Variants in SLC9A7 observed in about 807,000 individuals in gnomAD.
SLC9A7 encodes sodium/hydrogen exchanger 7.
Under a neutral mutation model 52.6 loss-of-function variants are expected in SLC9A7, and 19 were observed. The ratio of observed to expected loss-of-function variants is 0.36; its 90% CI spans 0.25 to 0.53. The LOEUF is 0.53. Ranked by LOEUF, SLC9A7 falls within the 20% of genes least tolerant of loss-of-function variation. SLC9A7 has a pLI of 0.91. For missense variants in SLC9A7, 455 were observed against 597.9 expected (o/e 0.76, Z 2.49); for synonymous variants, 226 against 252.1 (o/e 0.90, Z 0.98).
At chrX:46,616,589 G>T (rs940435407) in intron 15 of SLC9A7, among the ~76,000 whole-genome samples, 8 of 111,278 alleles carry the variant, frequency 7.2e-5, no homozygotes, top group African/African-American at 2.0e-4. Context: ...TGTCCCCTTT[G>T]CTGGATTTTG....
intron 1 of SLC9A7, among the ~76,000 whole-genome samples, chrX:46,730,081 T>C (rs1945003680): frequency 9.0e-6 from 1 of 111,403 alleles, no homozygotes; most frequent in South Asian, 3.8e-4. Context: ...AATGTCAAAA[T>C]ACACTCTGGG....
rs140003012 is a variant in SLC9A7 at position 46,655,323 on chromosome X, T to C, written c.1042-1609A>G. ...TCAAAGGCTTGGAACAAAGATTGAA[T>C]GTATAAAATCTCATTAATTATTTTT... is the stretch of plus-strand genomic sequence containing the variant. On this transcript the variant is annotated intron_variant, in intron 7 of 16. Transcript: ENST00000616978. Among the ~76,000 whole-genome samples the C allele has an allele frequency of 2.0e-3, 220 of 111,937 alleles. 3 individuals are homozygous for C. In the South Asian group the frequency reaches 0.042, roughly 21 times the overall value.
In SLC9A7 at chrX:46,669,694, G is replaced by C. The variant is rs757195273; in HGVS notation, c.706C>G (p.Leu236Val). ...IGNLMYGVVK[L>V]MKIMGQLSDK... ...GAGAGCTGTCCCATAATCTTCATGA[G>C]CTTCACCACACCATACATGAGATTT... Residue 236 changes from leucine to valine, a missense_variant, in exon 5 of 17, where the codon CTC (leucine) becomes GTC (valine). Coordinates refer to ENST00000616978, the MANE Select transcript of SLC9A7 (RefSeq NM_001257291.2). The C allele has an allele frequency of 2.6e-6, 3 of 1,159,102 alleles. No homozygotes were observed. In the African/African-American group the frequency reaches 5.4e-5, roughly 21 times the overall value.
At chrX:46,619,710 G>A (rs1210732695) in intron 15 of SLC9A7, among the ~76,000 whole-genome samples, 2 of 101,218 alleles carry the variant, frequency 2.0e-5, no homozygotes, top group Non-Finnish European at 3.9e-5. Context: ...GTCATGGCAT[G>A]AGGGGTTTGG....
intron 3 of SLC9A7, among the ~76,000 whole-genome samples, chrX:46,678,312 G>A (rs1944151547): frequency 9.0e-6 from 1 of 111,203 alleles, no homozygotes; most frequent in South Asian, 3.7e-4. Flanking sequence ...TTCCACAGCT[G>A]TTACCTGCCT....
intron 1 of SLC9A7, among the ~76,000 whole-genome samples, chrX:46,714,691 A>G (rs1944743678): frequency 8.9e-6 from 1 of 112,377 alleles, no homozygotes; most frequent in Non-Finnish European, 1.9e-5. Context: ...GAACGAAACA[A>G]ATACAAATTC....
intron 1 of SLC9A7, among the ~76,000 whole-genome samples, chrX:46,737,225 T>A (rs758710453): frequency 8.9e-6 from 1 of 111,864 alleles, no homozygotes; most frequent in Non-Finnish European, 1.9e-5. Context: ...CAGGAAAAAC[T>A]TTCTCAGGAT....
rs1942649609 is a variant in SLC9A7, at chrX:46,600,765, GT to G, written c.*6186del. On this transcript the variant is annotated 3_prime_UTR_variant, in exon 17 of 17. Transcript: ENST00000616978. Reference sequence around the variant, plus strand: ...TTTCCTAGTTAAGACACTAGCAATGGTTTCTACAGTATTTCTCTATATGTTG... The same window carrying G: ...TTTCCTAGTTAAGACACTAGCAATGGTTCTACAGTATTTCTCTATATGTTG... 1 of 111,920 alleles carries G rather than the reference GT, an allele frequency of 8.9e-6. No homozygotes were observed. The highest frequency in any genetic ancestry group is 3.7e-4 in the South Asian group (1 of 2,724). 9.2% of individuals were successfully genotyped at this position (111,920 alleles called of 1,213,427 possible).
chrX:46,668,777 G>A (rs1943965576), intron 5 of SLC9A7, among the ~76,000 whole-genome samples: 1 of 111,572 alleles, frequency 9.0e-6, no homozygotes, highest in Non-Finnish European at 1.9e-5. Flanking sequence ...GTTGTTTAAT[G>A]GGTATAGCAT....
chrX:46,619,735 T>A (rs1246257977), intron 15 of SLC9A7, among the ~76,000 whole-genome samples: 6 of 55,496 alleles, frequency 1.1e-4, no homozygotes, highest in Non-Finnish European at 1.7e-4. Flanking sequence ...TTTCTTTCTT[T>A]CTTTTTTTTT....
At chrX:46,609,470 G>A (rs1942808389) in intron 16 of SLC9A7, among the ~76,000 whole-genome samples, 1 of 112,464 alleles carries the variant, frequency 8.9e-6, no homozygotes, top group Non-Finnish European at 1.9e-5. Flanking sequence ...GGAGGCCAAG[G>A]AGGGTGGATC....
At chrX:46,729,712 G>T (rs1297277524) in intron 1 of SLC9A7, among the ~76,000 whole-genome samples, 1 of 111,006 alleles carries the variant, frequency 9.0e-6, no homozygotes, top group Non-Finnish European at 1.9e-5. Context: ...GGCAGAGGTT[G>T]CAGTGAGCCA....
intron 5 of SLC9A7, among the ~76,000 whole-genome samples, chrX:46,664,949 G>T (rs983716415): frequency 4.5e-5 from 5 of 110,223 alleles, no homozygotes; most frequent in African/African-American, 1.7e-4. Context: ...CAATAAACAC[G>T]TACATAGCAC....
intron 16 of SLC9A7, among the ~76,000 whole-genome samples, chrX:46,608,158 C>T (rs752976561): frequency 8.9e-6 from 1 of 112,655 alleles, no homozygotes; most frequent in South Asian, 3.7e-4. Flanking sequence ...TCCCCGAGAT[C>T]AGCCCCATCT....
chrX:46,756,135 GT>G (rs1922651900), intron 1 of SLC9A7, among the ~76,000 whole-genome samples: 1 of 111,137 alleles, frequency 9.0e-6, no homozygotes, highest in South Asian at 3.7e-4. Flanking sequence ...GAAATTCACA[GT>G]TGAACTCTTT....
At chrX:46,661,311 A>G (rs1943817163) in intron 7 of SLC9A7, among the ~76,000 whole-genome samples, 1 of 110,577 alleles carries the variant, frequency 9.0e-6, no homozygotes, top group Non-Finnish European at 1.9e-5. Context: ...AGCATGGCAC[A>G]TGTATACATA....
intron 12 of SLC9A7, among the ~76,000 whole-genome samples, chrX:46,639,251 T>C (rs922414451): frequency 2.7e-5 from 3 of 109,697 alleles, no homozygotes; most frequent in African/African-American, 9.9e-5. Flanking sequence ...GCTAATATTA[T>C]AGTTAATAAG....
intron 4 of SLC9A7, among the ~76,000 whole-genome samples, 154 bp from the exon 5 acceptor site, chrX:46,669,873 G>A (rs1416526826): frequency 8.9e-6 from 1 of 112,284 alleles, no homozygotes; most frequent in Non-Finnish European, 1.9e-5. Context: ...TTGCCAGCAG[G>A]ACTTTGGCAT....
chrX:46,705,544 T>C (rs1467625390), intron 1 of SLC9A7, among the ~76,000 whole-genome samples: 1 of 111,952 alleles, frequency 8.9e-6, no homozygotes, highest in Non-Finnish European at 1.9e-5. Flanking sequence ...TCCAGGAGTT[T>C]GAGACCAGCT....
Sources: allele counts gnomAD v4.1 joint callset (sites outside exome capture counted in the v4.1 genomes callset), GRCh38; gene constraint gnomAD v4.1.1; transcripts MANE v1.5; gene names NCBI Gene and HGNC (gene_info 2026-07-23, HGNC 2026-07-21).